Variants in ELFN1 observed in about 807,000 individuals in gnomAD.
The protein encoded by ELFN1 is protein ELFN1.
In ELFN1, 6 loss-of-function variants were observed where a neutral mutation model predicts 7.6. The ratio of observed to expected loss-of-function variants is 0.79; its 90% CI spans 0.43 to 1.56. The LOEUF (loss-of-function observed/expected upper bound fraction) is 1.56, where lower values mean the gene tolerates loss of function less well. ELFN1 is among the 40% of genes most tolerant of loss of function. ELFN1 has a pLI of 0.01. For missense variants in ELFN1, 1,169 were observed against 1,232.2 expected, an observed-to-expected ratio of 0.95 and a Z score of 0.77; for synonymous variants, 657 against 588.1, an observed-to-expected ratio of 1.12 and a Z score of -1.70.
At chr7:1,713,754 G>A (rs12671076) in intron 3 of ELFN1, among the ~76,000 whole-genome samples, 16,093 of 152,218 alleles carry the variant, frequency 0.11, 882 homozygotes, top group Middle Eastern at 0.15. Context: ...TCTGGGGAGG[G>A]GGGGGCGATG....
chr7:1,731,876 C>T (rs574761222), intron 3 of ELFN1, among the ~76,000 whole-genome samples: 1 of 152,346 alleles, frequency 6.6e-6, no homozygotes, highest in South Asian at 2.1e-4. Flanking sequence ...TCTGGAACTC[C>T]TGAGCTCAGG....
intron 1 of ELFN1, among the ~76,000 whole-genome samples, chr7:1,680,322 C>T (rs985339667): frequency 2.0e-5 from 3 of 152,114 alleles, no homozygotes; most frequent in African/African-American, 7.2e-5. Context: ...ACGGGGAGAT[C>T]CTTCTGTTTT....
intron 2 of ELFN1, among the ~76,000 whole-genome samples, chr7:1,696,001 T>C (rs1459511298): frequency 6.6e-6 from 1 of 152,088 alleles, no homozygotes; most frequent in African/African-American, 2.4e-5. Flanking sequence ...CGGCCCCGGC[T>C]CTCATAACAA....
intron 1 of ELFN1, among the ~76,000 whole-genome samples, chr7:1,672,012 C>T (rs1193294432): frequency 1.3e-5 from 2 of 152,220 alleles, no homozygotes; most frequent in African/African-American, 2.4e-5. Context: ...AGATTGGGGG[C>T]CATGCCCCTC....
chr7:1,672,878 C>A (rs1020471762), intron 1 of ELFN1, among the ~76,000 whole-genome samples: 1 of 152,098 alleles, frequency 6.6e-6, no homozygotes, highest in Non-Finnish European at 1.5e-5. Context: ...AACAGGCAGG[C>A]CCTCGAGATG....
At chr7:1,671,939 G>A (rs1430922611) in intron 1 of ELFN1, among the ~76,000 whole-genome samples, 3 of 152,200 alleles carry the variant, frequency 2.0e-5, no homozygotes, top group Admixed American at 1.3e-4. Flanking sequence ...CTGGGCATAC[G>A]GTGGTCAGGG....
chr7:1,711,576 GAGAGA>G (rs1375453578), intron 3 of ELFN1, among the ~76,000 whole-genome samples: 4 of 2,766 alleles, frequency 1.4e-3, no homozygotes, highest in South Asian at 0.013. Flanking sequence ...GCGAGAGAGT[GAGAGA>G]GAGAGAGAGA....
chr7:1,702,240 C>T (rs191014350), intron 2 of ELFN1, among the ~76,000 whole-genome samples: 47 of 152,168 alleles, frequency 3.1e-4, no homozygotes, highest in Middle Eastern at 6.8e-3. Context: ...CTGGCTAACA[C>T]GGTGAAACTC....
In ELFN1 at chr7:1,746,864, G is replaced by C. The variant is rs559728199; in HGVS notation, c.2268G>C (p.Gln756His). ...RDLAYSQLSP[Q>H]YHSLSYSSSP... The stretch of plus-strand genomic sequence containing the variant: ...TCGCCTACTCGCAGCTGTCCCCGCA[G>C]TACCACAGCCTGAGCTACTCCTCCA... The change falls in exon 4 of 4, where the codon CAG becomes CAC. Residue 756 changes from glutamine to histidine, a missense_variant. Gln to His is a conservative substitution (Grantham distance 24, BLOSUM62 0). Coordinates refer to ENST00000424383, the MANE Select transcript of ELFN1 (RefSeq NM_001128636.4). 7 of 1,541,660 alleles carry C rather than the reference G, an allele frequency of 4.5e-6. No homozygotes were observed. The highest frequency in any genetic ancestry group is 2.0e-5 in the Admixed American group (1 of 49,840).
At chr7:1,718,911 C>T (rs932429283) in intron 3 of ELFN1, among the ~76,000 whole-genome samples, 3 of 152,174 alleles carry the variant, frequency 2.0e-5, no homozygotes, top group East Asian at 3.9e-4. Context: ...GAGAATCTCA[C>T]CTCCGCGGAG....
chr7:1,704,003 T>A (rs1779480393), intron 2 of ELFN1, among the ~76,000 whole-genome samples: 1 of 152,208 alleles, frequency 6.6e-6, no homozygotes, highest in South Asian at 2.1e-4. Context: ...GCAAGAGGTG[T>A]CACTGCGGTG....
intron 2 of ELFN1, among the ~76,000 whole-genome samples, chr7:1,701,586 G>A (rs1298221974): frequency 6.6e-6 from 1 of 151,644 alleles, no homozygotes; most frequent in Non-Finnish European, 1.5e-5. Context: ...GAGGTGGGAG[G>A]ACTGCTTGAG....
At chr7:1,709,931 T>C (rs1256488932) in intron 3 of ELFN1, among the ~76,000 whole-genome samples, 1 of 152,244 alleles carries the variant, frequency 6.6e-6, no homozygotes, top group African/African-American at 2.4e-5. Context: ...TCTGGGCAAC[T>C]GTACTTTGGA....
chr7:1,707,151 A>G (rs902166830), intron 2 of ELFN1, among the ~76,000 whole-genome samples: 1 of 152,256 alleles, frequency 6.6e-6, no homozygotes, highest in Non-Finnish European at 1.5e-5. Context: ...ATGTGAGAAC[A>G]TGCAGAGCCC....
At chr7:1,714,851 G>T (rs977592009) in intron 3 of ELFN1, among the ~76,000 whole-genome samples, 1 of 152,214 alleles carries the variant, frequency 6.6e-6, no homozygotes, top group East Asian at 1.9e-4. Flanking sequence ...CCACGTGGGG[G>T]TCATTTTTCT....
At chr7:1,672,378 C>T (rs550772884) in intron 1 of ELFN1, among the ~76,000 whole-genome samples, 50 of 152,336 alleles carry the variant, frequency 3.3e-4, no homozygotes, top group African/African-American at 1.1e-3. Flanking sequence ...CTCCCTACCA[C>T]GGTCCCCACC....
intron 2 of ELFN1, among the ~76,000 whole-genome samples, chr7:1,697,993 C>T (rs1412025596): frequency 1.3e-5 from 2 of 152,180 alleles, no homozygotes; most frequent in Non-Finnish European, 2.9e-5. Flanking sequence ...GGCGGGCGGG[C>T]GCTGACTAAG....
chr7:1,711,614 GA>G (rs1562369938), intron 3 of ELFN1, among the ~76,000 whole-genome samples: 2,075 of 148,712 alleles, frequency 0.014, 67 homozygotes, highest in African/African-American at 0.051. Flanking sequence ...GAGAGAGAGA[GA>G]GAGAGAGAGA....
chr7:1,711,656 A>G (rs935157893), intron 3 of ELFN1, among the ~76,000 whole-genome samples: 1 of 150,294 alleles, frequency 6.7e-6, no homozygotes, highest in African/African-American at 2.5e-5. Flanking sequence ...CGCACTCGGA[A>G]ACGGAAATCC....
Sources: gnomAD v4.1 joint callset for allele counts (sites outside exome capture counted in the v4.1 genomes callset) on GRCh38, gnomAD v4.1.1 for gene constraint, MANE v1.5 for transcripts, NCBI Gene and HGNC (gene_info 2026-07-23, HGNC 2026-07-21) for gene names.